Variants in DNAH9 observed in about 807,000 individuals in gnomAD.
DNAH9 encodes DNAH9 variant protein.
Under a neutral mutation model 471.6 loss-of-function variants are expected in DNAH9, and 345 were observed. The observed-to-expected ratio is 0.73, with a 90% CI of 0.67 to 0.80. The LOEUF (loss-of-function observed/expected upper bound fraction) is 0.80. Among genes scored for constraint, DNAH9 ranks in the 30% least tolerant of loss-of-function variants. The pLI is 0.00. For missense variants in DNAH9, 5,407 were observed against 5,609.2 expected (o/e 0.96, Z 1.15); for synonymous variants, 2,093 against 2,123.6 (o/e 0.99, Z 0.40).
At chr17:11,688,460 T>C (rs979259338) in intron 19 of DNAH9, among the ~76,000 whole-genome samples, 3 of 152,168 alleles carry the variant, frequency 2.0e-5, no homozygotes, top group Non-Finnish European at 4.4e-5. Context: ...TGAAGGAAAG[T>C]GACCACGATT....
rs200331382 is a variant in DNAH9 at position 11,905,782 on chromosome 17, G to C, written c.11722G>C (p.Asp3908His). The C allele has an allele frequency of 6.2e-7, 1 of 1,612,750 alleles. No individual in the cohort carries two copies. The stretch of plus-strand genomic sequence containing the variant: ...GTTTTTCATCCTGTCTCCAGGGGTG[G>C]ACCCACTGAAGGATGTAGAAAGTCA... ...PMFFILSPGV[D>H]PLKDVESQGR... is the part of the protein sequence containing the mutation. The change falls in exon 61 of 69, where the codon GAC becomes CAC. Residue 3908 changes from aspartate (D) to histidine (H), a missense_variant. Physicochemically the swap from Asp to His is moderately conservative, Grantham distance 81. This residue lies in a region of DNAH9 where 4,636 missense variants were observed against 4,900.3 expected (regional missense o/e 0.95). Transcript: ENST00000262442.
chr17:11,877,555 T>C (rs2150991651), intron 53 of DNAH9, among the ~76,000 whole-genome samples: 1 of 149,096 alleles, frequency 6.7e-6, no homozygotes, highest in East Asian at 2.0e-4. Flanking sequence ...AAACCTAAGA[T>C]TTATCCACTC....
At chr17:11,835,232 G>T (rs1970810800) in intron 49 of DNAH9, among the ~76,000 whole-genome samples, 1 of 152,108 alleles carries the variant, frequency 6.6e-6, no homozygotes, top group Non-Finnish European at 1.5e-5. Context: ...TTAGAGCAGA[G>T]ACTTGAATTT....
At position 11,679,944 on chromosome 17, in the gene DNAH9, C is replaced by G; in HGVS notation, c.3541C>G (p.Gln1181Glu). Residue 1181 changes from glutamine to glutamate, a missense_variant, in exon 18 of 69, where the codon CAA becomes GAA. Physicochemically the swap from Gln to Glu is conservative, Grantham distance 29. Transcript: ENST00000262442. ...QTIELLKTYE[Q>E]ELPETVFKQL... The stretch of plus-strand genomic sequence containing the variant: ...TATTGAATTGCTGAAGACCTATGAA[C>G]AAGAATTGCCAGAAACAGTGTTTAA... The G allele has an allele frequency of 6.2e-7, 1 of 1,613,996 alleles. No individual in the cohort carries two copies. Among genetic ancestry groups the G allele is most frequent in the Non-Finnish European group, 8.5e-7 (1 of 1,179,944 alleles).
rs144520839 is a variant in DNAH9 at position 11,705,138 on chromosome 17, G to C, written c.5505G>C (p.Glu1835Asp). 1.3e-4 allele frequency: 213 copies of C among 1,614,006 alleles called. No homozygotes were observed. The highest frequency in any genetic ancestry group is 1.7e-4 in the Non-Finnish European group (198 of 1,180,002). ...ATGCCCAGTTTTTGTATTCCTATGA[G>C]TACCTGGGAAACACACCTCGCTTGG... ...ICDAQFLYSYEYLGNTPRLVI... is the reference protein window; with the variant it reads ...ICDAQFLYSYDYLGNTPRLVI... The change falls in exon 26 of 69, where the codon GAG becomes GAC. Residue 1835 changes from glutamate (E) to aspartate (D), a missense_variant. By Grantham distance (45) the Glu-to-Asp change is conservative. This residue lies in a region of DNAH9 where 4,636 missense variants were observed against 4,900.3 expected (regional missense o/e 0.95). Coordinates refer to ENST00000262442, the MANE Select transcript of DNAH9 (RefSeq NM_001372.4).
chr17:11,904,806 G>A (rs1434918337), intron 60 of DNAH9, among the ~76,000 whole-genome samples: 7 of 152,096 alleles, frequency 4.6e-5, no homozygotes, highest in Non-Finnish European at 1.0e-4. Context: ...GCAAGTCTCT[G>A]TTAAGACCAG....
Position 11,738,914 on chromosome 17 carries a change from A to G in DNAH9, c.5849A>G (p.Lys1950Arg), listed in dbSNP as rs61739481. 0.016 allele frequency: 26,195 copies of G among 1,614,018 alleles called. 392 individuals carry two copies. The highest frequency in any genetic ancestry group is 0.078 in the East Asian group (3,489 of 44,868). The part of the protein sequence containing the change: ...KSIQDAIRDK[K>R]QWFSFLGEEI... Reference sequence around the variant, plus strand: ...ATTCAAGATGCGATTAGAGATAAGAAGCAGTGGTTCAGCTTCCTTGGGGAG... The same window carrying G: ...ATTCAAGATGCGATTAGAGATAAGAGGCAGTGGTTCAGCTTCCTTGGGGAG... Residue 1950 changes from lysine to arginine, a missense_variant, in exon 29 of 69, where the codon AAG (lysine) becomes AGG (arginine). Around this residue, in one of 3 missense-constraint regions of DNAH9, gnomAD observed 4,636 missense variants for 4,900.3 expected, o/e 0.95. Transcript: ENST00000262442.
rs1967747335 is a variant in DNAH9 at position 11,762,770 on chromosome 17, G to GTTTTGTTT, written c.6996-666_6996-665insGTTTTTTT. Among the ~76,000 whole-genome samples the GTTTTGTTT allele has an allele frequency of 4.5e-4, 41 of 90,790 alleles. 1 individual carries two copies. The highest frequency in any genetic ancestry group is 1.1e-3 in the Admixed American group (8 of 7,266). The allele number at this position is 90,790 out of a possible 152,430, so 59.6% of individuals were successfully genotyped here. On this transcript the variant is annotated intron_variant, in intron 35 of 68. Coordinates refer to ENST00000262442, the MANE Select transcript of DNAH9 (RefSeq NM_001372.4). ...CCTCTTTAGGTGCGTTTTTTTTTTT[G>GTTTTGTTT]TTTTTTTTTTTTTTTTTTTTTTTTT...
At position 11,962,117 on chromosome 17, in the gene DNAH9, G is replaced by A. The variant is rs368954907; in HGVS notation, c.13094G>A (p.Arg4365His). 1.7e-5 allele frequency: 28 copies of A among 1,614,000 alleles called. No individual in the cohort carries two copies. The highest frequency in any genetic ancestry group is 1.2e-4 in the African/African-American group (9 of 74,908). ...FLTAIMQSTA[R>H]KNEWPLDQMA... is the part of the protein sequence containing the mutation. ...ACTGCCATCATGCAGTCCACGGCTCGCAAGAATGAGTGGCCACTGGACCAG... is the reference window on the plus strand; with the variant it reads ...ACTGCCATCATGCAGTCCACGGCTCACAAGAATGAGTGGCCACTGGACCAG... The change falls in exon 68 of 69, where the codon CGC becomes CAC. Residue 4365 changes from arginine to histidine, a missense_variant. Physicochemically the swap from Arg to His is conservative, Grantham distance 29. This residue lies in a region of DNAH9 where 4,636 missense variants were observed against 4,900.3 expected (regional missense o/e 0.95). Coordinates refer to ENST00000262442, the MANE Select transcript of DNAH9 (RefSeq NM_001372.4). The surrounding 1 kb of genome is among the most constrained non-coding windows in gnomAD (Gnocchi z 4.1).
rs1971233376 is a variant in DNAH9 at position 11,846,584 on chromosome 17, T to C, written c.9508-7419T>C. 4.3e-5 allele frequency among the ~76,000 whole-genome samples: 6 copies of C among 140,444 alleles called. No homozygotes were observed. In the South Asian group the frequency reaches 9.5e-4, roughly 22 times the overall value. 92.1% of individuals were successfully genotyped at this position (140,444 alleles called of 152,430 possible). On this transcript the variant is annotated intron_variant, in intron 49 of 68. Transcript: ENST00000262442. Reference sequence around the variant, plus strand: ...ATGGGGATGGCATTGAATCTGTAAATTACCTTGGGCAGTATGGCCATTTTC... The same window carrying C: ...ATGGGGATGGCATTGAATCTGTAAACTACCTTGGGCAGTATGGCCATTTTC...
rs140248901 is a variant in DNAH9 at position 11,837,669 on chromosome 17, C to T, written c.9507+2771C>T. Among the ~76,000 whole-genome samples, 959 of 152,268 alleles carry T rather than the reference C, an allele frequency of 6.3e-3. 3 individuals are homozygous for T. Among genetic ancestry groups the T allele is most frequent in the Non-Finnish European group, 0.01 (697 of 68,010 alleles). ...ATCTTTTTGTAAAACAGGTGTTTGA[C>T]CATGTCATCTCTGTGTTCAGAATCT... On this transcript the variant is annotated intron_variant, in intron 49 of 68. Coordinates refer to ENST00000262442, the MANE Select transcript of DNAH9 (RefSeq NM_001372.4).
At chr17:11,680,254 A>G (rs1478963974) in intron 18 of DNAH9, among the ~76,000 whole-genome samples, 1 of 152,016 alleles carries the variant, frequency 6.6e-6, no homozygotes, top group Admixed American at 6.6e-5. Context: ...AAAAAAAAAA[A>G]GCAGATCTGA....
rs547226004 is a variant in DNAH9 at position 11,644,979 on chromosome 17, C to T, written c.1970+280C>T. ...GGGTGCTACTCATGGAACTCCGAGA[C>T]GGATGTCACGGAAAATTGCAACAGC... is the stretch of plus-strand genomic sequence containing the variant. On this transcript the variant is annotated intron_variant, in intron 11 of 68. Transcript: ENST00000262442. Among the ~76,000 whole-genome samples the T allele has an allele frequency of 6.2e-4, 94 of 152,252 alleles. 4 individuals carry two copies. The South Asian group carries it at 0.019, about 30-fold the overall frequency.
In DNAH9 at chr17:11,942,347, G is replaced by C. The variant is rs1028928327; in HGVS notation, c.12705G>C (p.Glu4235Asp). ...LEEILERVTD[E>D]FNIPELMAKV... is the part of the protein sequence containing the mutation. Reference sequence around the variant, plus strand: ...AAATATTGGAGCGGGTGACAGACGAGTTTAACATCCCAGAACTGATGGCCA... The same window carrying C: ...AAATATTGGAGCGGGTGACAGACGACTTTAACATCCCAGAACTGATGGCCA... Residue 4235 changes from glutamate to aspartate, a missense_variant, in exon 67 of 69, where the codon GAG becomes GAC. Glu to Asp is a conservative substitution (Grantham distance 45, BLOSUM62 2). Around this residue, in one of 3 missense-constraint regions of DNAH9, gnomAD observed 4,636 missense variants for 4,900.3 expected, o/e 0.95. Transcript: ENST00000262442. The C allele has an allele frequency of 6.2e-7, 1 of 1,614,070 alleles. No individual in the cohort carries two copies. The highest frequency in any genetic ancestry group is 1.3e-5 in the African/African-American group (1 of 74,936).
intron 6 of DNAH9, among the ~76,000 whole-genome samples, chr17:11,627,412 A>G (rs141551615): frequency 1.3e-3 from 194 of 152,316 alleles, no homozygotes; most frequent in African/African-American, 4.3e-3. Flanking sequence ...ACCTTTTAAA[A>G]TGGTACGAAG....
At chr17:11,935,611 T>C (rs1974686672) in intron 65 of DNAH9, among the ~76,000 whole-genome samples, 1 of 151,450 alleles carries the variant, frequency 6.6e-6, no homozygotes, top group African/African-American at 2.4e-5. Flanking sequence ...CCTGACCTCA[T>C]GATCCTCCCA....
Position 11,769,330 on chromosome 17 carries a change from G to A in DNAH9, c.7552+1G>A, listed in dbSNP as rs1483471573. The A allele has an allele frequency of 1.2e-6, 2 of 1,608,384 alleles. No homozygotes were observed. Among genetic ancestry groups the A allele is most frequent in the South Asian group, 1.1e-5 (1 of 90,318 alleles). ...TACACCACGTCAGCAATGCTGCAGGGTAAGCAGCCCAGGGCACCTGGGGTG... is the reference window on the plus strand; with the variant it reads ...TACACCACGTCAGCAATGCTGCAGGATAAGCAGCCCAGGGCACCTGGGGTG... On this transcript the variant is annotated splice_donor_variant, in intron 38 of 68. Coordinates refer to ENST00000262442, the MANE Select transcript of DNAH9 (RefSeq NM_001372.4). LOFTEE classifies it high-confidence loss of function.
At position 11,636,677 on chromosome 17, in the gene DNAH9, C is replaced by G. The variant is rs377051669; in HGVS notation, c.1679C>G (p.Ala560Gly). The G allele has an allele frequency of 2.5e-6, 4 of 1,613,292 alleles. No individual in the cohort carries two copies. The highest frequency in any genetic ancestry group is 2.7e-5 in the African/African-American group (2 of 74,888). Residue 560 changes from alanine (A) to glycine (G), a missense_variant, in exon 9 of 69, where the codon GCG becomes GGG. By Grantham distance (60) the Ala-to-Gly change is moderately conservative. Transcript: ENST00000262442. ...AGNLLERPLV[A>G]RDTSDKYLVL... ...AACCTCCTTGAAAGACCGCTGGTAG[C>G]GAGGGATACATCTGATAAATACCTG...
intron 3 of DNAH9, 54 bp downstream of exon 3, chr17:11,610,608 T>C (rs1226027131): frequency 6.4e-7 from 1 of 1,567,066 alleles, no homozygotes; most frequent in African/African-American, 1.4e-5. Context: ...TTACAGAGAC[T>C]AAAGCTAGAG....
Sources: allele counts gnomAD v4.1 joint callset (sites outside exome capture counted in the v4.1 genomes callset), GRCh38; gene constraint gnomAD v4.1.1; regional missense constraint gnomAD v4.1.1; non-coding constraint Gnocchi (gnomAD v3.1); transcripts MANE v1.5; gene names NCBI Gene and HGNC (gene_info 2026-07-23, HGNC 2026-07-21).